Variants in HK1 observed in about 807,000 individuals in gnomAD.
HK1 encodes hexokinase-1.
Under a neutral mutation model 91.6 loss-of-function variants are expected in HK1, and 28 were observed. That is an observed-to-expected ratio of 0.31 (90% CI 0.23 to 0.42). The LOEUF is 0.42. Ranked by LOEUF, HK1 falls within the 10% of genes least tolerant of loss-of-function variation. The pLI is 1.00. For missense variants in HK1, 770 were observed against 1,219.8 expected, an observed-to-expected ratio of 0.63 and a Z score of 5.49; for synonymous variants, 430 against 468.1, an observed-to-expected ratio of 0.92 and a Z score of 1.05.
intron 7 of HK1, among the ~76,000 whole-genome samples, chr10:69,370,783 A>G (rs1045762299): frequency 1.3e-5 from 2 of 152,192 alleles, no homozygotes; most frequent in African/African-American, 4.8e-5. Context: ...TCAAGCATAA[A>G]TAGACACACC....
chr10:69,375,309 A>G (rs1410774296), intron 7 of HK1, among the ~76,000 whole-genome samples: 4 of 152,244 alleles, frequency 2.6e-5, no homozygotes, highest in Non-Finnish European at 4.4e-5. Flanking sequence ...CTTACAGGAA[A>G]GCAGTCAGTA....
At chr10:69,381,075 G>T (rs1161377224) in intron 9 of HK1, among the ~76,000 whole-genome samples, 2 of 152,216 alleles carry the variant, frequency 1.3e-5, no homozygotes, top group East Asian at 3.8e-4. Flanking sequence ...GGCTGAGGCA[G>T]GTGGATTGCT....
chr10:69,300,544 A>G, intron 4 of HK1: 1 of 704,962 alleles, frequency 1.4e-6, no homozygotes, highest in Non-Finnish European at 2.5e-6. Flanking sequence ...AGATGGAAGC[A>G]GATTATTCTG....
intron 1 of HK1, among the ~76,000 whole-genome samples, chr10:69,339,158 T>C (rs890742502): frequency 6.6e-6 from 1 of 152,168 alleles, no homozygotes; most frequent in Non-Finnish European, 1.5e-5. Context: ...TCTCTAGTCA[T>C]GTGCTTTTCT....
At position 69,369,503 on chromosome 10, in the gene HK1, G is replaced by A. The variant is rs1210981978; in HGVS notation, c.754G>A (p.Glu252Lys). 1.2e-6 allele frequency: 2 copies of A among 1,614,232 alleles called. No homozygotes were observed. Among genetic ancestry groups the A allele is most frequent in the Non-Finnish European group, 1.7e-6 (2 of 1,180,024 alleles). The change falls in exon 7 of 18, where the codon GAG (glutamate) becomes AAG (lysine). Residue 252 changes from glutamate to lysine, a missense_variant. Around this residue, in one of 7 missense-constraint regions of HK1, gnomAD observed 449 missense variants for 665.1 expected, o/e 0.68. Coordinates refer to ENST00000359426, the MANE Select transcript of HK1 (RefSeq NM_000188.3). This position sits in a 1 kb window ranked among gnomAD's most constrained non-coding sequence, Gnocchi z 4.4. The part of the protein sequence containing the change: ...LRHIDLVEGD[E>K]GRMCINTEWG... Reference sequence around the variant, plus strand: ...GCACATTGATCTGGTGGAAGGAGACGAGGGGAGGATGTGTATCAATACAGA... The same window carrying A: ...GCACATTGATCTGGTGGAAGGAGACAAGGGGAGGATGTGTATCAATACAGA...
chr10:69,316,487 T>C (rs367938834), upstream of HK1, among the ~76,000 whole-genome samples: 1 of 152,190 alleles, frequency 6.6e-6, no homozygotes, highest in Non-Finnish European at 1.5e-5. Flanking sequence ...CTAGAGACAT[T>C]TCTCAGGAAA....
At chr10:69,322,206 G>T (rs1329086851) in intron 1 of HK1, among the ~76,000 whole-genome samples, 1 of 152,188 alleles carries the variant, frequency 6.6e-6, no homozygotes, top group Admixed American at 6.5e-5. Context: ...TGTCAGAATG[G>T]TGAGCAAATG....
chr10:69,392,927 A>G (rs1399349308), intron 15 of HK1, among the ~76,000 whole-genome samples: 1 of 152,104 alleles, frequency 6.6e-6, no homozygotes, highest in Non-Finnish European at 1.5e-5. Context: ...TTTTCTAAAT[A>G]CCACCCATGC....
chr10:69,274,415 T>C (rs1049701127), intron 1 of HK1, among the ~76,000 whole-genome samples: 8 of 152,108 alleles, frequency 5.3e-5, no homozygotes, highest in African/African-American at 1.4e-4. Context: ...CTGGCCAACA[T>C]GGTGAAACCT....
At chr10:69,316,048 C>T (rs766736797), upstream of HK1, 1 of 1,574,308 alleles carries the variant, frequency 6.4e-7, no homozygotes, top group South Asian at 1.1e-5. Context: ...GGTTGGCAAG[C>T]TGGGCCTTAG....
At chr10:69,387,357 T>G (rs1171236491) in intron 13 of HK1, among the ~76,000 whole-genome samples, 1 of 152,152 alleles carries the variant, frequency 6.6e-6, no homozygotes. Context: ...GGAGCAATCT[T>G]GGCTCACTGC....
intron 1 of HK1, among the ~76,000 whole-genome samples, chr10:69,343,397 G>A (rs1848388742): frequency 6.6e-6 from 1 of 152,180 alleles, no homozygotes; most frequent in African/African-American, 2.4e-5. Context: ...AAGCTCTGGG[G>A]CTAGGATTGA....
intron 2 of HK1, among the ~76,000 whole-genome samples, chr10:69,358,039 A>T (rs1283837506): frequency 6.6e-6 from 1 of 152,184 alleles, no homozygotes; most frequent in African/African-American, 2.4e-5. Context: ...ATATAATGAT[A>T]AAGATCTTTC....
intron 16 of HK1, among the ~76,000 whole-genome samples, chr10:69,396,661 T>C (rs10762292): frequency 0.33 from 49,425 of 152,028 alleles, 8,465 homozygotes; most frequent in South Asian, 0.47. Flanking sequence ...TATTGTGGCA[T>C]GTGTTAGAAT....
intron 1 of HK1, among the ~76,000 whole-genome samples, chr10:69,329,880 A>C (rs529622549): frequency 9.9e-5 from 15 of 151,688 alleles, no homozygotes; most frequent in African/African-American, 3.6e-4. Flanking sequence ...CTTAGTGTTG[A>C]TGAGCCCCTT....
At chr10:69,321,149 C>T (rs550230009) in intron 1 of HK1, among the ~76,000 whole-genome samples, 54 of 152,182 alleles carry the variant, frequency 3.5e-4, no homozygotes, top group Non-Finnish European at 4.7e-4. Context: ...TAGGGGAGTA[C>T]GTGGATTCCT....
chr10:69,294,510 C>T (rs564346382), intron 3 of HK1, among the ~76,000 whole-genome samples: 3 of 151,936 alleles, frequency 2.0e-5, no homozygotes, highest in Non-Finnish European at 2.9e-5. Flanking sequence ...TCACTTGAGC[C>T]CAGGAGTTTG....
chr10:69,382,367 C>G (rs1397419827), intron 9 of HK1, 120 bp from the exon 10 acceptor site: 4 of 1,069,032 alleles, frequency 3.7e-6, no homozygotes, highest in Non-Finnish European at 5.8e-6. Context: ...AGAGCAAGAC[C>G]CTGTCTCAAA....
At chr10:69,391,309 T>C (rs938602585) in intron 14 of HK1, among the ~76,000 whole-genome samples, 4 of 152,266 alleles carry the variant, frequency 2.6e-5, no homozygotes, top group African/African-American at 9.6e-5. Flanking sequence ...GGAAAGCTTA[T>C]TGAGCAGGCA....
Sources: gnomAD v4.1 joint callset for allele counts (sites outside exome capture counted in the v4.1 genomes callset) on GRCh38, gnomAD v4.1.1 for gene constraint, gnomAD v4.1.1 regional missense constraint, Gnocchi (gnomAD v3.1) non-coding constraint, MANE v1.5 for transcripts, NCBI Gene and HGNC (gene_info 2026-07-23, HGNC 2026-07-21) for gene names.